The following TIGD4 variants were observed in gnomAD, a reference collection of about 807,000 sequenced individuals.
TIGD4 encodes tigger transposable element derived 4.
Under a neutral mutation model 24.9 loss-of-function variants are expected in TIGD4, and 20 were observed. The observed-to-expected ratio is 0.80, with a 90% confidence interval of 0.56 to 1.17. The LOEUF (loss-of-function observed/expected upper bound fraction) is 1.17, where lower values mean the gene tolerates loss of function less well. Ranked by LOEUF, TIGD4 falls within the 50% of genes most tolerant of loss-of-function variation. The pLI, the probability that TIGD4 is intolerant of heterozygous loss-of-function variation, is 0.00. For missense variants in TIGD4, 566 were observed against 591.0 expected (o/e 0.96, Z 0.44); for synonymous variants, 193 against 211.0 (o/e 0.91, Z 0.74).
At position 152,769,836 on chromosome 4, in the gene TIGD4, G is replaced by T; in HGVS notation, c.1169C>A (p.Thr390Lys). The T allele has an allele frequency of 6.2e-7, 1 of 1,613,022 alleles. No individual in the cohort carries two copies. The highest frequency in any genetic ancestry group is 8.5e-7 in the Non-Finnish European group (1 of 1,179,720). Residue 390 changes from threonine (T) to lysine (K), a missense_variant, in exon 2 of 2, where the codon ACA becomes AAA. Transcript: ENST00000304337. The stretch of plus-strand genomic sequence containing the variant: ...CAGACCAGTATCCTTCTCTGCATTT[G>T]TTATGTCACTTTCTCCCTTTTGAGA... ...FKSQKGESDITNAEKDTGLDL... is the reference protein window; with the variant it reads ...FKSQKGESDIKNAEKDTGLDL...
chr4:152,772,554 TA>T (rs1730195196), intron 1 of TIGD4, among the ~76,000 whole-genome samples: 3 of 152,210 alleles, frequency 2.0e-5, no homozygotes, highest in African/African-American at 7.2e-5. Flanking sequence ...TTTAGTACTT[TA>T]AGAAAGTGCT....
At chr4:152,778,629 T>C (rs1202179058) in intron 1 of TIGD4, among the ~76,000 whole-genome samples, 1 of 152,180 alleles carries the variant, frequency 6.6e-6, no homozygotes, top group Non-Finnish European at 1.5e-5. Flanking sequence ...TTCAGTACTA[T>C]TTTTTTAAGA....
In TIGD4 at chr4:152,773,050, C is replaced by G. The variant is rs545357288; in HGVS notation, c.-538-1508G>C. Among the ~76,000 whole-genome samples, 42 of 152,288 alleles carry G rather than the reference C, an allele frequency of 2.8e-4. 1 individual carries two copies. The South Asian group carries it at 8.3e-3, about 30-fold the overall frequency. The stretch of plus-strand genomic sequence containing the variant: ...TAGGGCTTTTCTTAAGCCATGAGAA[C>G]AGTCACATGGCCCCAGATAGGCTCA... On this transcript the variant is annotated intron_variant, in intron 1 of 1. Coordinates refer to ENST00000304337, the MANE Select transcript of TIGD4 (RefSeq NM_145720.4).
chr4:152,773,839 A>G (rs1029664135), intron 1 of TIGD4, among the ~76,000 whole-genome samples: 5 of 152,148 alleles, frequency 3.3e-5, no homozygotes, highest in South Asian at 4.1e-4. Flanking sequence ...ACAATTTCCT[A>G]TAAATATGCA....
chr4:152,778,849 G>A (rs1730318845), intron 1 of TIGD4, among the ~76,000 whole-genome samples: 1 of 152,194 alleles, frequency 6.6e-6, no homozygotes, highest in South Asian at 2.1e-4. Context: ...AGTAAAGGCA[G>A]CTGAGAAGTA....
At chr4:152,778,914 C>T (rs917644619) in intron 1 of TIGD4, among the ~76,000 whole-genome samples, 1 of 152,190 alleles carries the variant, frequency 6.6e-6, no homozygotes, top group African/African-American at 2.4e-5. Flanking sequence ...CGCATTTCTA[C>T]AAGTGAAATG....
chr4:152,777,328 A>G (rs539827885), intron 1 of TIGD4, among the ~76,000 whole-genome samples: 1 of 152,342 alleles, frequency 6.6e-6, no homozygotes, highest in African/African-American at 2.4e-5. Flanking sequence ...TAAACAGCCA[A>G]TAGCAGTGCA....
chr4:152,771,791 TAAATC>T (rs80323724), intron 1 of TIGD4, among the ~76,000 whole-genome samples: 3,714 of 152,270 alleles, frequency 0.024, 62 homozygotes, highest in Middle Eastern at 0.048. Flanking sequence ...AGTTCTGAAA[TAAATC>T]AGATAAATTT....
At position 152,770,394 on chromosome 4, in the gene TIGD4, C is replaced by A. The variant is rs576908904; in HGVS notation, c.611G>T (p.Cys204Phe). The A allele has an allele frequency of 3.6e-4, 585 of 1,614,138 alleles. 10 individuals carry two copies. In the South Asian group the frequency reaches 6.0e-3, roughly 17 times the overall value. ...GTCTTTGCATAACTTTCCAACTGAA[C>A]ATGTTTCGCCTTTAAATGCAAATGT... ...TNTFAFKGET[C>F]SVGKLCKDRI... The change falls in exon 2 of 2, where the codon TGT becomes TTT. Residue 204 changes from cysteine (C) to phenylalanine (F), a missense_variant. Cys to Phe is a radical substitution (Grantham distance 205, BLOSUM62 -2). Transcript: ENST00000304337.
intron 1 of TIGD4, among the ~76,000 whole-genome samples, chr4:152,777,518 A>T (rs1450782782): frequency 6.8e-6 from 1 of 146,046 alleles, no homozygotes; most frequent in Non-Finnish European, 1.5e-5. Context: ...GGAAGAAAAG[A>T]AGGGAGGGAG....
chr4:152,770,214 A>T lies in TIGD4; in HGVS notation c.791T>A (p.Val264Glu). The T allele has an allele frequency of 6.2e-7, 1 of 1,614,118 alleles. No homozygotes were observed. The highest frequency in any genetic ancestry group is 8.5e-7 in the Non-Finnish European group (1 of 1,179,978). Residue 264 changes from valine to glutamate, a missense_variant, in exon 2 of 2, where the codon GTA (valine) becomes GAA (glutamate). Physicochemically the swap from Val to Glu is moderately radical, Grantham distance 121 (BLOSUM62 -2). Coordinates refer to ENST00000304337, the MANE Select transcript of TIGD4 (RefSeq NM_145720.4). ...ANRMAWMTSD[V>E]FEQWMRKLDE... ...AAGCTTTCGCATCCATTGTTCAAAT[A>T]CATCGGAGGTCATCCATGCCATTCT...
chr4:152,775,851 T>A (rs896542595), intron 1 of TIGD4, among the ~76,000 whole-genome samples: 4 of 152,230 alleles, frequency 2.6e-5, no homozygotes, highest in Non-Finnish European at 5.9e-5. Context: ...ATCATGGAAG[T>A]AATATCCCAT....
Position 152,770,341 on chromosome 4 carries a change from T to C in TIGD4, c.664A>G (p.Met222Val), listed in dbSNP as rs535811091. Reference sequence around the variant, plus strand: ...AAAGGAAGTTTCTCTGAGCCATCCATGTTTGTGCCAACCACCAGAGTTATT... The same window carrying C: ...AAAGGAAGTTTCTCTGAGCCATCCACGTTTGTGCCAACCACCAGAGTTATT... ...DRITLVVGTN[M>V]DGSEKLPLLV... The change falls in exon 2 of 2, where the codon ATG becomes GTG. Residue 222 changes from methionine (M) to valine (V), a missense_variant. Physicochemically the swap from Met to Val is conservative, Grantham distance 21 (BLOSUM62 1). Transcript: ENST00000304337. 17 of 1,614,170 alleles carry C rather than the reference T, an allele frequency of 1.1e-5. No individual in the cohort carries two copies. The South Asian group carries it at 1.9e-4, about 18-fold the overall frequency.
Position 152,770,835 on chromosome 4 carries a change from A to G in TIGD4, c.170T>C (p.Met57Thr), listed in dbSNP as rs1261733041. The G allele has an allele frequency of 1.9e-6, 3 of 1,613,116 alleles. No individual in the cohort carries two copies. Among genetic ancestry groups the G allele is most frequent in the Non-Finnish European group, 2.5e-6 (3 of 1,179,744 alleles). Residue 57 changes from methionine (M) to threonine (T), a missense_variant, in exon 2 of 2, where the codon ATG becomes ACG. Transcript: ENST00000304337. Reference protein sequence around the residue: ...GIKKNSLSSIMKNKDKVLEAF... With the variant: ...GIKKNSLSSITKNKDKVLEAF... Reference sequence around the variant, plus strand: ...TTCTAGAACTTTGTCTTTATTCTTCATAATAGAAGACAATGAATTTTTCTT... The same window carrying G: ...TTCTAGAACTTTGTCTTTATTCTTCGTAATAGAAGACAATGAATTTTTCTT...
At chr4:152,772,346 T>C (rs1730191495) in intron 1 of TIGD4, among the ~76,000 whole-genome samples, 1 of 144,902 alleles carries the variant, frequency 6.9e-6, no homozygotes, top group Admixed American at 6.9e-5. Flanking sequence ...TTTCTATCTG[T>C]AAAAAAAAAA....
intron 1 of TIGD4, among the ~76,000 whole-genome samples, chr4:152,778,860 C>T (rs927726704): frequency 3.9e-5 from 6 of 152,142 alleles, no homozygotes; most frequent in African/African-American, 9.7e-5. Flanking sequence ...CTGAGAAGTA[C>T]GGTCTAAAGA....
chr4:152,770,470 C>T lies in TIGD4; in HGVS notation c.535G>A (p.Val179Ile), dbSNP rs1730147653. The T allele has an allele frequency of 6.2e-7, 1 of 1,608,992 alleles. No individual in the cohort carries two copies. Among genetic ancestry groups the T allele is most frequent in the African/African-American group, 1.3e-5 (1 of 74,582 alleles). ...YYLNDYHPKN[V>I]FNIKETGLLY... Reference sequence around the variant, plus strand: ...AGCCCAGTCTCTTTTATATTAAAAACATTTTTAGGATGATAATCATTTAAA... The same window carrying T: ...AGCCCAGTCTCTTTTATATTAAAAATATTTTTAGGATGATAATCATTTAAA... Residue 179 changes from valine (V) to isoleucine (I), a missense_variant, in exon 2 of 2, where the codon GTT becomes ATT. Transcript: ENST00000304337.
In TIGD4 at chr4:152,769,590, T is replaced by C. The variant is rs943892942; in HGVS notation, c.1415A>G (p.Lys472Arg). The C allele has an allele frequency of 8.1e-6, 13 of 1,613,732 alleles. No homozygotes were observed. Among genetic ancestry groups the C allele is most frequent in the Middle Eastern group, 1.7e-4 (1 of 6,058 alleles). ...ATCTAAAGCAGTTATTGCCTCAGAT[T>C]TTGATGGTAAAGGGAGTTCAGTTCC... ...SPGTELPLPS[K>R]SEAITALDTL... The change falls in exon 2 of 2, where the codon AAA becomes AGA. Residue 472 changes from lysine to arginine, a missense_variant. Transcript: ENST00000304337.
At chr4:152,777,734 T>C (rs1387342226) in intron 1 of TIGD4, among the ~76,000 whole-genome samples, 4 of 152,092 alleles carry the variant, frequency 2.6e-5, no homozygotes, top group African/African-American at 9.7e-5. Flanking sequence ...AAGTCTCCTC[T>C]AAGCAGGGCC....
Sources: allele counts gnomAD v4.1 joint callset (sites outside exome capture counted in the v4.1 genomes callset), GRCh38; gene constraint gnomAD v4.1.1; transcripts MANE v1.5; gene names NCBI Gene and HGNC (gene_info 2026-07-23, HGNC 2026-07-21).